Variants in SPIDR observed in about 807,000 individuals in gnomAD.
SPIDR encodes scaffold protein involved in DNA repair, also known as DNA repair-scaffolding protein.
SPIDR carries 93 observed loss-of-function variants against 104.6 expected under a neutral mutation model. The ratio of observed to expected loss-of-function variants is 0.89; its 90% CI spans 0.75 to 1.06. The LOEUF (loss-of-function observed/expected upper bound fraction) is 1.06, where lower values mean the gene tolerates loss of function less well. SPIDR is among the 50% of genes least tolerant of loss of function. The probability of loss-of-function intolerance (pLI) is 0.00; values close to 1 mark genes in which losing one functional copy is unlikely to be tolerated. For missense variants in SPIDR, 1,154 were observed against 1,111.2 expected, an observed-to-expected ratio of 1.04 and a Z score of -0.55; for synonymous variants, 431 against 416.9, an observed-to-expected ratio of 1.03 and a Z score of -0.41.
intron 10 of SPIDR, among the ~76,000 whole-genome samples, chr8:47,632,077 A>T (rs1480896883): frequency 6.6e-6 from 1 of 152,196 alleles, no homozygotes; most frequent in African/African-American, 2.4e-5. Flanking sequence ...TCTGGAATGG[A>T]CTATTTTTAG....
chr8:47,508,167 T>TGCTG (rs2081768844), intron 8 of SPIDR, among the ~76,000 whole-genome samples: 1 of 152,226 alleles, frequency 6.6e-6, no homozygotes, highest in South Asian at 2.1e-4. Flanking sequence ...GATGCCATCA[T>TGCTG]GTCTTGTGGG....
intron 5 of SPIDR, among the ~76,000 whole-genome samples, chr8:47,354,640 A>C (rs1251139042): frequency 6.6e-6 from 1 of 151,966 alleles, no homozygotes; most frequent in Non-Finnish European, 1.5e-5. Flanking sequence ...TATTTATTTT[A>C]AATTTTTTAT....
At chr8:47,601,906 T>G (rs1248539359) in intron 10 of SPIDR, among the ~76,000 whole-genome samples, 2 of 152,202 alleles carry the variant, frequency 1.3e-5, no homozygotes, top group African/African-American at 2.4e-5. Flanking sequence ...TACAAGAAGA[T>G]CTGATCATTA....
chr8:47,603,476 C>T (rs1034267758), intron 10 of SPIDR, among the ~76,000 whole-genome samples: 2 of 152,094 alleles, frequency 1.3e-5, no homozygotes, highest in African/African-American at 4.8e-5. Context: ...TTACTGCAGC[C>T]TCAACCTCCT....
chr8:47,675,180 G>C (rs2076264456), intron 11 of SPIDR, among the ~76,000 whole-genome samples: 1 of 152,132 alleles, frequency 6.6e-6, no homozygotes, highest in South Asian at 2.1e-4. Flanking sequence ...GGAATTACAG[G>C]CATGCGCCAC....
chr8:47,357,835 A>G, intron 5 of SPIDR: 1 of 984,680 alleles, frequency 1.0e-6, no homozygotes, highest in African/African-American at 1.7e-5. Flanking sequence ...GAGATCTCAT[A>G]CATGTTAATC....
chr8:47,274,829 C>T (rs2036051183), intron 1 of SPIDR, among the ~76,000 whole-genome samples: 1 of 151,788 alleles, frequency 6.6e-6, no homozygotes, highest in Non-Finnish European at 1.5e-5. Flanking sequence ...CCACCTCAGC[C>T]TCCCAAAGTG....
intron 8 of SPIDR, among the ~76,000 whole-genome samples, chr8:47,521,207 C>T (rs575301391): frequency 6.6e-6 from 1 of 152,302 alleles, no homozygotes; most frequent in African/African-American, 2.4e-5. Flanking sequence ...AGGTCAACCT[C>T]ATTCAGTTTT....
chr8:47,557,819 A>G (rs2091496472), intron 8 of SPIDR, among the ~76,000 whole-genome samples: 2 of 152,218 alleles, frequency 1.3e-5, no homozygotes, highest in South Asian at 4.1e-4. Context: ...TAATTTATTT[A>G]AGGAAGACAG....
chr8:47,380,009 A>G (rs1486526041), intron 5 of SPIDR, among the ~76,000 whole-genome samples: 2 of 152,330 alleles, frequency 1.3e-5, no homozygotes, highest in Non-Finnish European at 2.9e-5. Context: ...ATTGTGTAGC[A>G]TTTTAATTCT....
At chr8:47,446,310 C>A (rs1197895114) in intron 8 of SPIDR, among the ~76,000 whole-genome samples, 2 of 152,212 alleles carry the variant, frequency 1.3e-5, no homozygotes, top group East Asian at 3.9e-4. Context: ...ATAAATGGAA[C>A]AATAAAACCT....
intron 10 of SPIDR, 52 bp downstream of exon 10, chr8:47,599,248 A>C (rs540738392): frequency 6.3e-7 from 1 of 1,595,590 alleles, no homozygotes; most frequent in African/African-American, 1.3e-5. Flanking sequence ...ACTTAGACAG[A>C]GTGCTCTAGA....
At chr8:47,416,881 T>C (rs2064408582) in intron 7 of SPIDR, among the ~76,000 whole-genome samples, 1 of 144,364 alleles carries the variant, frequency 6.9e-6, no homozygotes, top group South Asian at 2.2e-4. Flanking sequence ...CGGTGTTTGG[T>C]TTTTTGTCCT....
intron 5 of SPIDR, among the ~76,000 whole-genome samples, chr8:47,324,036 T>C (rs1701307744): frequency 6.6e-6 from 1 of 152,224 alleles, no homozygotes; most frequent in Non-Finnish European, 1.5e-5. Flanking sequence ...ATAATCCAAT[T>C]GTGTTCTCTG....
chr8:47,396,440 T>C lies in SPIDR; in HGVS notation c.590T>C (p.Val197Ala). 1 of 1,613,980 alleles carries C rather than the reference T, an allele frequency of 6.2e-7. No homozygotes were observed. Among genetic ancestry groups the C allele is most frequent in the South Asian group, 1.1e-5 (1 of 91,084 alleles). The change falls in exon 6 of 20, where the codon GTC becomes GCC. Residue 197 changes from valine (V) to alanine (A), a missense_variant. Transcript: ENST00000297423. Reference protein sequence around the residue: ...DSEKEDDLENVLLIDSESPHK... With the variant: ...DSEKEDDLENALLIDSESPHK... ...GAAAAAGAAGATGATTTGGAAAATG[T>C]CCTACTCATTGATTCAGAATCCCCT...
At chr8:47,622,344 G>A (rs2065282945) in intron 10 of SPIDR, among the ~76,000 whole-genome samples, 1 of 152,222 alleles carries the variant, frequency 6.6e-6, no homozygotes, top group South Asian at 2.1e-4. Flanking sequence ...TGAAGTCAGA[G>A]ACCCACCGCT....
At chr8:47,355,762 A>G (rs1044287081) in intron 5 of SPIDR, among the ~76,000 whole-genome samples, 3 of 152,186 alleles carry the variant, frequency 2.0e-5, no homozygotes, top group Admixed American at 1.3e-4. Flanking sequence ...ATATTTATTC[A>G]TTGTTCTTCC....
At chr8:47,623,639 G>A (rs1054459630) in intron 10 of SPIDR, among the ~76,000 whole-genome samples, 1 of 152,190 alleles carries the variant, frequency 6.6e-6, no homozygotes, top group Admixed American at 6.5e-5. Context: ...AAGAGACAAA[G>A]AAGGCCATTA....
intron 8 of SPIDR, among the ~76,000 whole-genome samples, chr8:47,536,636 T>C (rs1211033105): frequency 6.6e-6 from 1 of 152,140 alleles, no homozygotes; most frequent in Non-Finnish European, 1.5e-5. Context: ...TAGACCTAAA[T>C]GTAAAATGTG....
Sources: gnomAD v4.1 joint callset for allele counts (sites outside exome capture counted in the v4.1 genomes callset) on GRCh38, gnomAD v4.1.1 for gene constraint, MANE v1.5 for transcripts, NCBI Gene and HGNC (gene_info 2026-07-23, HGNC 2026-07-21) for gene names.